CTNND2: variants seen among roughly 807,000 people sequenced by gnomAD.
CTNND2 encodes catenin delta 2.
A neutral mutation model predicts 144.4 loss-of-function variants in CTNND2; 22 were observed. That is an observed-to-expected ratio of 0.15 (90% CI 0.11 to 0.22). CTNND2 has a LOEUF of 0.22. CTNND2 is among the 10% of genes least tolerant of loss of function. The pLI, the probability that CTNND2 is intolerant of heterozygous loss-of-function variation, is 1.00. For missense variants in CTNND2, 1,353 were observed against 1,618.8 expected (o/e 0.84, Z 2.82); for synonymous variants, 751 against 695.6 (o/e 1.08, Z -1.25).
chr5:11,545,908 T>C (rs1346945774), intron 3 of CTNND2, among the ~76,000 whole-genome samples: 4 of 152,208 alleles, frequency 2.6e-5, no homozygotes. Context: ...TATCCATACA[T>C]ACTTCTCCAT....
At chr5:11,634,496 G>T (rs770614035) in intron 2 of CTNND2, among the ~76,000 whole-genome samples, 2 of 152,154 alleles carry the variant, frequency 1.3e-5, no homozygotes, top group East Asian at 1.9e-4. Context: ...TCTAGTTCTT[G>T]CTCTTGAGGA....
intron 2 of CTNND2, among the ~76,000 whole-genome samples, chr5:11,616,086 A>G (rs1780565556): frequency 6.6e-6 from 1 of 152,148 alleles, no homozygotes; most frequent in African/African-American, 2.4e-5. Context: ...CTGTTACCCA[A>G]GTTTGAAACG....
chr5:11,092,006 G>A (rs550583801), intron 15 of CTNND2, among the ~76,000 whole-genome samples: 9 of 151,902 alleles, frequency 5.9e-5, no homozygotes, highest in Non-Finnish European at 8.8e-5. Context: ...CCGATTCCCC[G>A]ATCCATCTCC....
intron 2 of CTNND2, among the ~76,000 whole-genome samples, chr5:11,699,331 G>A (rs1412439375): frequency 6.6e-6 from 1 of 152,114 alleles, no homozygotes; most frequent in Non-Finnish European, 1.5e-5. Flanking sequence ...TGCAATGGAG[G>A]TAGGAATGGC....
Position 11,590,141 on chromosome 5 carries a change from G to A in CTNND2, c.175-25085C>T, listed in dbSNP as rs1581573559. The stretch of plus-strand genomic sequence containing the variant: ...GTGCACTGCAAGCTCCGCCTCCTGG[G>A]TTCACACCATTCTCCTGCCTCGGCC... On this transcript the variant is annotated intron_variant, in intron 2 of 21. Coordinates refer to ENST00000304623, the MANE Select transcript of CTNND2 (RefSeq NM_001332.4). Among the ~76,000 whole-genome samples the A allele has an allele frequency of 2.6e-5, 4 of 151,932 alleles. No homozygotes were observed. In the South Asian group the frequency reaches 8.3e-4, roughly 32 times the overall value.
chr5:11,118,069 A>G (rs957052126), intron 12 of CTNND2, among the ~76,000 whole-genome samples: 61 of 152,340 alleles, frequency 4.0e-4, no homozygotes, highest in Admixed American at 3.8e-3. Context: ...TTCTGTGACA[A>G]TTTAGTCATT....
intron 10 of CTNND2, among the ~76,000 whole-genome samples, chr5:11,211,476 T>C (rs760932783): frequency 6.6e-6 from 1 of 152,204 alleles, no homozygotes; most frequent in Non-Finnish European, 1.5e-5. Flanking sequence ...CACTAAAAAA[T>C]GGCCAAATTC....
intron 2 of CTNND2, among the ~76,000 whole-genome samples, chr5:11,654,045 A>G (rs1253914959): frequency 1.3e-5 from 2 of 151,772 alleles, no homozygotes; most frequent in African/African-American, 4.8e-5. Context: ...AGACTAGTTG[A>G]CCGTATGTAG....
rs896112619 is a variant in CTNND2 at position 11,294,915 on chromosome 5, C to T, written c.1628+51457G>A. On this transcript the variant is annotated intron_variant, in intron 9 of 21. Coordinates refer to ENST00000304623, the MANE Select transcript of CTNND2 (RefSeq NM_001332.4). ...AAACTGGAAGCATTCCCTTTGAAAA[C>T]TGGCACAAGACAAGGATGCCCTCTC... Among the ~76,000 whole-genome samples the T allele has an allele frequency of 5.1e-4, 78 of 152,250 alleles. 1 individual carries two copies. The highest frequency in any genetic ancestry group is 1.4e-3 in the African/African-American group (60 of 41,548).
intron 11 of CTNND2, among the ~76,000 whole-genome samples, chr5:11,168,886 A>G (rs536782480): frequency 6.6e-6 from 1 of 152,184 alleles, no homozygotes; most frequent in Non-Finnish European, 1.5e-5. Flanking sequence ...GATTAAAAAA[A>G]AGTAAATGCA....
intron 2 of CTNND2, among the ~76,000 whole-genome samples, chr5:11,704,325 T>A (rs1785594682): frequency 6.6e-6 from 1 of 152,210 alleles, no homozygotes; most frequent in African/African-American, 2.4e-5. Flanking sequence ...AGAATACAGA[T>A]GCCTACCTAA....
intron 16 of CTNND2, among the ~76,000 whole-genome samples, chr5:11,040,903 A>G (rs781377175): frequency 2.6e-5 from 4 of 152,232 alleles, no homozygotes; most frequent in Non-Finnish European, 4.4e-5. Flanking sequence ...AGAGAAACCT[A>G]TGAAGGGTGT....
chr5:11,698,281 CATT>C (rs1267544947), intron 2 of CTNND2, among the ~76,000 whole-genome samples: 15 of 143,120 alleles, frequency 1.0e-4, no homozygotes, highest in African/African-American at 3.7e-4. Context: ...TAAAGCAACA[CATT>C]ATTATTTTTT....
At chr5:11,723,640 T>C (rs1183314317) in intron 2 of CTNND2, among the ~76,000 whole-genome samples, 1 of 152,166 alleles carries the variant, frequency 6.6e-6, no homozygotes, top group African/African-American at 2.4e-5. Context: ...ATACTCTCAA[T>C]ACAAATATAC....
chr5:11,046,850 AAAC>A (rs1477446010), intron 16 of CTNND2, among the ~76,000 whole-genome samples: 7 of 152,326 alleles, frequency 4.6e-5, no homozygotes, highest in African/African-American at 1.7e-4. Context: ...AAAACAAAAC[AAAC>A]AACAACAAAA....
At chr5:11,747,709 G>T (rs761404710) in intron 1 of CTNND2, among the ~76,000 whole-genome samples, 4 of 151,840 alleles carry the variant, frequency 2.6e-5, no homozygotes, top group Non-Finnish European at 5.9e-5. Context: ...ATAAAATCTG[G>T]CAAAAAAACA....
intron 12 of CTNND2, among the ~76,000 whole-genome samples, chr5:11,126,929 A>G (rs1754737334): frequency 6.6e-6 from 1 of 152,230 alleles, no homozygotes; most frequent in African/African-American, 2.4e-5. Flanking sequence ...AATGGAAAGT[A>G]TTAAAAATGC....
chr5:11,585,490 ATCTATC>A (rs1561590857), intron 2 of CTNND2, among the ~76,000 whole-genome samples: 3 of 150,864 alleles, frequency 2.0e-5, no homozygotes, highest in African/African-American at 4.9e-5. Flanking sequence ...ATGTATATCT[ATCTATC>A]TATCTATCTA....
intron 9 of CTNND2, among the ~76,000 whole-genome samples, chr5:11,241,578 T>C (rs2149910888): frequency 6.6e-6 from 1 of 152,338 alleles, no homozygotes; most frequent in Admixed American, 6.5e-5. Flanking sequence ...TTTTCAAATG[T>C]TCTCCTCAAT....
Sources: allele counts gnomAD v4.1 joint callset (sites outside exome capture counted in the v4.1 genomes callset), GRCh38; gene constraint gnomAD v4.1.1; transcripts MANE v1.5; gene names NCBI Gene and HGNC (gene_info 2026-07-23, HGNC 2026-07-21).